The following RTTN variants were observed in gnomAD, a reference collection of about 807,000 sequenced individuals.
The protein encoded by RTTN is rotatin.
Under a neutral mutation model 269.2 loss-of-function variants are expected in RTTN, and 182 were observed. The observed-to-expected ratio is 0.68, with a 90% confidence interval of 0.60 to 0.76. The LOEUF (loss-of-function observed/expected upper bound fraction) is 0.76. Ranked by LOEUF, RTTN falls within the 30% of genes least tolerant of loss-of-function variation. RTTN has a pLI of 0.00. For synonymous variants in RTTN, 1,006 were observed against 963.5 expected (o/e 1.04, Z -0.82); for missense variants, 2,545 against 2,608.6 (o/e 0.98, Z 0.53).
intron 19 of RTTN, among the ~76,000 whole-genome samples, chr18:70,140,807 C>CA (rs2060237564): frequency 6.6e-6 from 1 of 152,080 alleles, no homozygotes; most frequent in Non-Finnish European, 1.5e-5. Flanking sequence ...GACATGTGCA[C>CA]ACGCACACAC....
In RTTN at chr18:70,020,802, C is replaced by G. The variant is rs191243602; in HGVS notation, c.5966G>C (p.Cys1989Ser). The change falls in exon 45 of 49, where the codon TGT becomes TCT. Residue 1989 changes from cysteine (C) to serine (S), a missense_variant. By Grantham distance (112) the Cys-to-Ser change is moderately radical. Coordinates refer to ENST00000640769, the MANE Select transcript of RTTN (RefSeq NM_173630.4). ...AGGGTGTTGTCCACAACTTGACCAACAAAGAGAACTGCAACCTTCAAAAAT... is the reference window on the plus strand; with the variant it reads ...AGGGTGTTGTCCACAACTTGACCAAGAAAGAGAACTGCAACCTTCAAAAAT... ...ANFPNGCSSL[C>S]WSSCGQHPVQ... The G allele has an allele frequency of 1.5e-5, 24 of 1,611,798 alleles. No individual in the cohort carries two copies. Among genetic ancestry groups the G allele is most frequent in the Non-Finnish European group, 1.7e-5 (20 of 1,178,720 alleles).
In RTTN at chr18:70,140,032, A is replaced by T. The variant is rs116739286; in HGVS notation, c.2670+68T>A. ...CCAAGTACTCATCCAAATTCTGCTC[A>T]GTTCAATTTCAGATCTGATTAATCA... On this transcript the variant is annotated intron_variant, in intron 20 of 48. Coordinates refer to ENST00000640769, the MANE Select transcript of RTTN (RefSeq NM_173630.4). The T allele has an allele frequency of 7.4e-4, 752 of 1,022,168 alleles. 4 individuals are homozygous for T. The African/African-American group carries it at 0.01, about 14-fold the overall frequency. 63.3% of individuals were successfully genotyped at this position (1,022,168 alleles called of 1,614,324 possible). A position where few individuals can be genotyped will look rare whatever the true frequency, so the allele number is the denominator to read the frequency against.
intron 32 of RTTN, among the ~76,000 whole-genome samples, chr18:70,085,647 G>C (rs955879682): frequency 1.3e-5 from 2 of 152,110 alleles, no homozygotes; most frequent in African/African-American, 4.8e-5. Flanking sequence ...GTGTACTTTT[G>C]TATCTTCCAA....
chr18:70,047,884 C>T, intron 40 of RTTN, 87 bp downstream of exon 40: 1 of 1,006,498 alleles, frequency 9.9e-7, no homozygotes, highest in Non-Finnish European at 1.5e-6. Context: ...ATTTAAATGA[C>T]TGAGACAGTT....
At chr18:70,203,920 C>G (rs1257020545) in intron 3 of RTTN, among the ~76,000 whole-genome samples, 166 bp downstream of exon 3, 1 of 152,066 alleles carries the variant, frequency 6.6e-6, no homozygotes, top group Non-Finnish European at 1.5e-5. Context: ...CATCCTTTGA[C>G]TAACAGTAGA....
At chr18:70,136,894 T>C (rs2060137250) in intron 21 of RTTN, among the ~76,000 whole-genome samples, 1 of 152,072 alleles carries the variant, frequency 6.6e-6, no homozygotes, top group Non-Finnish European at 1.5e-5. Context: ...GCAACACCAG[T>C]GCAGTAGTTT....
At chr18:70,060,771 C>G (rs1310107341) in intron 35 of RTTN, among the ~76,000 whole-genome samples, 2 of 152,120 alleles carry the variant, frequency 1.3e-5, no homozygotes, top group African/African-American at 4.8e-5. Context: ...CACTCTTTAG[C>G]CTCTGGTAAC....
rs373735766 is a variant in RTTN, at chr18:70,190,958, C to T, written c.1008-239G>A. Among the ~76,000 whole-genome samples, 46 of 152,184 alleles carry T rather than the reference C, an allele frequency of 3.0e-4. No individual in the cohort carries two copies. The South Asian group carries it at 7.5e-3, about 25-fold the overall frequency. On this transcript the variant is annotated intron_variant, in intron 8 of 48. Coordinates refer to ENST00000640769, the MANE Select transcript of RTTN (RefSeq NM_173630.4). ...ATCCCAGCACTTTGGGAGGCCAAGG[C>T]GGGCAGATCACCTGAGGTCAGGAGT... is the stretch of plus-strand genomic sequence containing the variant.
chr18:70,159,229 C>T (rs2060763177), intron 14 of RTTN, among the ~76,000 whole-genome samples: 1 of 152,118 alleles, frequency 6.6e-6, no homozygotes, highest in Non-Finnish European at 1.5e-5. Flanking sequence ...CGAAATCATA[C>T]CAACCACACT....
rs752422245 is a variant in RTTN at position 70,166,953 on chromosome 18, G to A, written c.1768C>T (p.Leu590=). 26 of 1,612,834 alleles carry A rather than the reference G, an allele frequency of 1.6e-5. No homozygotes were observed. The highest frequency in any genetic ancestry group is 2.1e-5 in the Non-Finnish European group (25 of 1,179,294). ...RSFSYHQHFP[L]IKEIISICSK... ...CAAATGCTGATGATTTCCTTTATTA[G>A]CGGGAAATGCTGATGATAGGAAAAG... is the stretch of plus-strand genomic sequence containing the variant. The change falls in exon 13 of 49, where the codon CTA becomes TTA. Residue 590 remains leucine, a synonymous_variant. Coordinates refer to ENST00000640769, the MANE Select transcript of RTTN (RefSeq NM_173630.4).
intron 35 of RTTN, among the ~76,000 whole-genome samples, chr18:70,064,010 C>T (rs1290971255): frequency 7.5e-6 from 1 of 134,112 alleles, no homozygotes; most frequent in Non-Finnish European, 1.5e-5. Flanking sequence ...AAATGATTGG[C>T]AAAGAGTAAA....
intron 34 of RTTN, among the ~76,000 whole-genome samples, chr18:70,069,664 A>C (rs932860998): frequency 5.9e-5 from 9 of 152,354 alleles, no homozygotes; most frequent in Admixed American, 3.9e-4. Flanking sequence ...AGACACTTTA[A>C]CTTTTTTTGA....
At chr18:70,087,890 T>A in intron 31 of RTTN, 99 bp downstream of exon 31, 1 of 1,215,784 alleles carries the variant, frequency 8.2e-7, no homozygotes, top group Non-Finnish European at 1.2e-6. Context: ...GAGATCATGG[T>A]CAGTGGTCAG....
rs144733016 is a variant in RTTN, at chr18:70,179,406, AAAG to A, written c.1306-2564_1306-2562del. Among the ~76,000 whole-genome samples, 938 of 152,344 alleles carry A rather than the reference AAAG, an allele frequency of 6.2e-3. 9 individuals are homozygous for A. The highest frequency in any genetic ancestry group is 0.021 in the African/African-American group (882 of 41,576). On this transcript the variant is annotated intron_variant, in intron 10 of 48. Transcript: ENST00000640769. ...TTGAGTACTTCTCAAAATATCATAAAAAGAAAATACTTTAGGAATGAGTTTTAC... is the reference window on the plus strand; with the variant it reads ...TTGAGTACTTCTCAAAATATCATAAAAAAATACTTTAGGAATGAGTTTTAC...
chr18:70,099,721 AT>A (rs1403289755), intron 28 of RTTN, among the ~76,000 whole-genome samples: 1 of 152,136 alleles, frequency 6.6e-6, no homozygotes, highest in Non-Finnish European at 1.5e-5. Flanking sequence ...TAGGTCTAAC[AT>A]TTAAGTCTTT....
At chr18:70,023,499 A>G (rs951369640) in intron 44 of RTTN, among the ~76,000 whole-genome samples, 1 of 152,148 alleles carries the variant, frequency 6.6e-6, no homozygotes, top group Non-Finnish European at 1.5e-5. Context: ...TCTCACTTCA[A>G]GTCTGCTTCT....
At chr18:70,176,588 A>G in intron 11 of RTTN, 87 bp downstream of exon 11, 1 of 1,264,646 alleles carries the variant, frequency 7.9e-7, no homozygotes, top group South Asian at 2.1e-5. Flanking sequence ...ATACCTTCAC[A>G]CCATGAAAAG....
chr18:70,015,734 G>A (rs1048341742), intron 46 of RTTN, among the ~76,000 whole-genome samples: 1 of 152,008 alleles, frequency 6.6e-6, no homozygotes, highest in African/African-American at 2.4e-5. Flanking sequence ...ATTCTAGAGG[G>A]GTCTAGAAGT....
At chr18:70,112,000 T>A (rs192923414) in intron 27 of RTTN, among the ~76,000 whole-genome samples, 12 of 152,324 alleles carry the variant, frequency 7.9e-5, no homozygotes, top group Admixed American at 5.9e-4. Context: ...GGGCCAATAT[T>A]CAACCTTTCT....
Sources: allele counts gnomAD v4.1 joint callset (sites outside exome capture counted in the v4.1 genomes callset), GRCh38; gene constraint gnomAD v4.1.1; transcripts MANE v1.5; gene names NCBI Gene and HGNC (gene_info 2026-07-23, HGNC 2026-07-21).